USP45: variants seen among roughly 807,000 people sequenced by gnomAD.
USP45 encodes ubiquitin carboxyl-terminal hydrolase 45.
In USP45, 89 loss-of-function variants were observed where a neutral mutation model predicts 95.8. The observed-to-expected ratio is 0.93, with a 90% CI of 0.78 to 1.11. The LOEUF is 1.11. Ranked by LOEUF, USP45 falls within the 50% of genes least tolerant of loss-of-function variation. The probability of loss-of-function intolerance (pLI) is 0.00; values close to 1 mark genes in which losing one functional copy is unlikely to be tolerated. For synonymous variants in USP45, 281 were observed against 316.2 expected (o/e 0.89, Z 1.18); for missense variants, 898 against 942.5 (o/e 0.95, Z 0.62).
In USP45 at chr6:99,446,120, C is replaced by T. The variant is rs753234153; in HGVS notation, c.1652G>A (p.Gly551Asp). 6.2e-7 allele frequency: 1 copy of T among 1,614,154 alleles called. No homozygotes were observed. Among genetic ancestry groups the T allele is most frequent in the South Asian group, 1.1e-5 (1 of 91,092 alleles). Reference sequence around the variant, plus strand: ...AATAGCTTCTGCCATTTCCTTATCACCACTGTCAGTCTCCTTGGTGTACAG... The same window carrying T: ...AATAGCTTCTGCCATTTCCTTATCATCACTGTCAGTCTCCTTGGTGTACAG... ...KLLYTKETDS[G>D]DKEMAEAISE... The change falls in exon 14 of 18, where the codon GGT becomes GAT. Residue 551 changes from glycine (G) to aspartate (D), a missense_variant. Coordinates refer to ENST00000500704, the MANE Select transcript of USP45 (RefSeq NM_001346022.3).
At chr6:99,491,125 T>C (rs949865532) in intron 5 of USP45, among the ~76,000 whole-genome samples, 5 of 152,208 alleles carry the variant, frequency 3.3e-5, no homozygotes, top group Admixed American at 6.5e-5. Context: ...TCTCTTTTCC[T>C]GTCCTCCAAA....
upstream of USP45, among the ~76,000 whole-genome samples, chr6:99,515,770 C>CTTTTTTTTTTTT (rs56926251): frequency 1.1e-5 from 1 of 88,468 alleles, no homozygotes; most frequent in African/African-American, 4.8e-5. Context: ...CCTCTGAACT[C>CTTTTTTTTTTTT]TTTTTTTTTT....
chr6:99,444,521 G>A (rs1782115612), intron 14 of USP45, among the ~76,000 whole-genome samples: 1 of 152,096 alleles, frequency 6.6e-6, no homozygotes, highest in South Asian at 2.1e-4. Flanking sequence ...ACATATGCAT[G>A]CCTGTCACAT....
In USP45 at chr6:99,470,230, T is replaced by C. The variant is rs377617740; in HGVS notation, c.934-1612A>G. ...TGCTTTTAATCTAAGAACACAATAT[T>C]ATATGGAGAAGGAGGTGATCACATT... On this transcript the variant is annotated intron_variant, in intron 9 of 17. Transcript: ENST00000500704. Among the ~76,000 whole-genome samples the C allele has an allele frequency of 3.3e-4, 50 of 152,262 alleles. 1 individual carries two copies. In the East Asian group the frequency reaches 6.9e-3, roughly 21 times the overall value.
intron 8 of USP45, among the ~76,000 whole-genome samples, chr6:99,477,072 A>G (rs1452769024): frequency 6.6e-6 from 1 of 152,258 alleles, no homozygotes; most frequent in Non-Finnish European, 1.5e-5. Context: ...TGAAGAAATA[A>G]TTCTGTCAAA....
intron 8 of USP45, among the ~76,000 whole-genome samples, chr6:99,479,003 T>C (rs1050107977): frequency 7.4e-5 from 11 of 147,712 alleles, no homozygotes; most frequent in African/African-American, 9.9e-5. Context: ...AACTAATCTA[T>C]TGCAACAACA....
intron 10 of USP45, among the ~76,000 whole-genome samples, chr6:99,467,623 A>T (rs1391564951): frequency 2.6e-5 from 4 of 152,134 alleles, no homozygotes; most frequent in Non-Finnish European, 5.9e-5. Context: ...TATTTCTTCT[A>T]GAAAAACTAA....
chr6:99,511,539 C>A (rs9494586), intron 1 of USP45, among the ~76,000 whole-genome samples: 3,787 of 151,556 alleles, frequency 0.025, 186 homozygotes, highest in African/African-American at 0.087. Flanking sequence ...GCCTCAACCT[C>A]CCCAGGCTCA....
At chr6:99,514,475 G>T (rs1800675699) in intron 1 of USP45, among the ~76,000 whole-genome samples, 1 of 152,028 alleles carries the variant, frequency 6.6e-6, no homozygotes, top group Non-Finnish European at 1.5e-5. Context: ...CAGTCTTAAG[G>T]CCTGCTATGT....
chr6:99,503,928 A>G (rs1257908535), intron 4 of USP45, 63 bp from the exon 5 acceptor site: 1 of 1,191,074 alleles, frequency 8.4e-7, no homozygotes, highest in African/African-American at 1.6e-5. Flanking sequence ...TGCACATCAG[A>G]TAACAAAGTT....
In USP45 at chr6:99,488,265, G is replaced by C. The variant is rs753129814; in HGVS notation, c.649C>G (p.Leu217Val). 2 of 1,611,656 alleles carry C rather than the reference G, an allele frequency of 1.2e-6. No homozygotes were observed. Among genetic ancestry groups the C allele is most frequent in the Non-Finnish European group, 8.5e-7 (1 of 1,179,232 alleles). ...NLAQTYTLTD[L>V]MNEIKESSTK... is the part of the protein sequence containing the mutation. ...CTACTTTCTTTGATCTCATTCATCA[G>C]ATCAGTAAGAGTATAAGTCTGTGCC... Residue 217 changes from leucine (L) to valine (V), a missense_variant, in exon 7 of 18, where the codon CTG (leucine) becomes GTG (valine). Physicochemically the swap from Leu to Val is conservative, Grantham distance 32. Coordinates refer to ENST00000500704, the MANE Select transcript of USP45 (RefSeq NM_001346022.3).
chr6:99,508,979 G>C (rs933682096), intron 2 of USP45, among the ~76,000 whole-genome samples, 197 bp from the exon 3 acceptor site: 1 of 152,196 alleles, frequency 6.6e-6, no homozygotes, highest in Admixed American at 6.5e-5. Flanking sequence ...AGAATGAGAA[G>C]AGATTCATGG....
At chr6:99,468,702 A>G in intron 9 of USP45, 84 bp from the exon 10 acceptor site, 1 of 865,596 alleles carries the variant, frequency 1.2e-6, no homozygotes, top group Non-Finnish European at 1.8e-6. Context: ...TCAAACAGCA[A>G]GGTACACTGT....
At chr6:99,489,996 T>C (rs1185944693) in intron 5 of USP45, among the ~76,000 whole-genome samples, 1 of 152,186 alleles carries the variant, frequency 6.6e-6, no homozygotes, top group East Asian at 1.9e-4. Context: ...TTTACTAATA[T>C]GAAAACAAAG....
rs534292792 is a variant in USP45, at chr6:99,483,088, C to T, written c.715-205G>A. 1.9e-4 allele frequency among the ~76,000 whole-genome samples: 29 copies of T among 152,260 alleles called. No homozygotes were observed. The South Asian group carries it at 2.3e-3, about 12-fold the overall frequency. ...AACACAGGTATTTTCATATCCTCTGCCCTTTGCTTAATAAAACTATTAGAT... is the reference window on the plus strand; with the variant it reads ...AACACAGGTATTTTCATATCCTCTGTCCTTTGCTTAATAAAACTATTAGAT... On this transcript the variant is annotated intron_variant, in intron 7 of 17. Transcript: ENST00000500704.
intron 7 of USP45, 137 bp from the exon 8 acceptor site, chr6:99,483,020 A>C: frequency 1.5e-6 from 1 of 681,542 alleles, no homozygotes. Flanking sequence ...TTATTTCATA[A>C]ATAAAATATA....
intron 5 of USP45, among the ~76,000 whole-genome samples, chr6:99,489,065 T>C (rs1794616205): frequency 6.6e-6 from 1 of 152,114 alleles, no homozygotes. Flanking sequence ...TGCAGATGAA[T>C]TAAAAAACTA....
chr6:99,490,222 G>A (rs1794863384), intron 5 of USP45, among the ~76,000 whole-genome samples: 1 of 152,046 alleles, frequency 6.6e-6, no homozygotes, highest in Non-Finnish European at 1.5e-5. Flanking sequence ...GAAGTGCAGT[G>A]GTGCAATCTC....
intron 8 of USP45, among the ~76,000 whole-genome samples, chr6:99,479,601 C>CA (rs34635892): frequency 0.15 from 17,515 of 117,018 alleles, 1,996 homozygotes; most frequent in Non-Finnish European, 0.2. Flanking sequence ...TTCCAACAGA[C>CA]AAAAAAAAAA....
Sources: gnomAD v4.1 joint callset for allele counts (sites outside exome capture counted in the v4.1 genomes callset) on GRCh38, gnomAD v4.1.1 for gene constraint, MANE v1.5 for transcripts, NCBI Gene and HGNC (gene_info 2026-07-23, HGNC 2026-07-21) for gene names.